Variants in HKDC1 observed in about 807,000 individuals in gnomAD.
HKDC1 encodes the protein hexokinase domain containing 1, also known as hexokinase HKDC1.
HKDC1 carries 66 observed loss-of-function variants against 96.6 expected under a neutral mutation model. That is an observed-to-expected ratio of 0.68 (90% CI 0.56 to 0.84). The LOEUF (loss-of-function observed/expected upper bound fraction) is 0.84, where lower values mean the gene tolerates loss of function less well. Among genes scored for constraint, HKDC1 ranks in the 40% least tolerant of loss-of-function variants. The probability of loss-of-function intolerance (pLI) is 0.00; values close to 1 mark genes in which losing one functional copy is unlikely to be tolerated. For missense variants in HKDC1, 1,211 were observed against 1,208.1 expected (o/e 1.00, Z -0.04); for synonymous variants, 466 against 473.1 (o/e 0.98, Z 0.20).
At chr10:69,242,429 G>GAAAAAAAAA in intron 6 of HKDC1, among the ~76,000 whole-genome samples, 1 of 115,348 alleles carries the variant, frequency 8.7e-6, no homozygotes, top group Non-Finnish European at 1.7e-5. Context: ...AGATACTGAA[G>GAAAAAAAAA]AAAAAAAAAA....
intron 1 of HKDC1, among the ~76,000 whole-genome samples, chr10:69,225,494 C>T (rs896973458): frequency 7.9e-5 from 12 of 152,104 alleles, no homozygotes; most frequent in Non-Finnish European, 1.5e-4. Flanking sequence ...CTCAATTGTC[C>T]TTTTTTGCTA....
At chr10:69,230,718 A>T (rs1007812848) in intron 2 of HKDC1, among the ~76,000 whole-genome samples, 2 of 151,998 alleles carry the variant, frequency 1.3e-5, no homozygotes, top group African/African-American at 2.4e-5. Context: ...GGCTCAAGTG[A>T]TCCTCCTGCT....
chr10:69,263,514 T>TG (rs1451210951), intron 16 of HKDC1, among the ~76,000 whole-genome samples: 1 of 152,172 alleles, frequency 6.6e-6, no homozygotes, highest in Non-Finnish European at 1.5e-5. Context: ...GTTTGTCAAA[T>TG]GGATGGGACA....
intron 4 of HKDC1, among the ~76,000 whole-genome samples, chr10:69,234,798 C>A (rs529960621): frequency 1.7e-4 from 26 of 152,354 alleles, no homozygotes; most frequent in African/African-American, 6.0e-4. Flanking sequence ...CCGCCAAGGT[C>A]TCTGACAATG....
chr10:69,244,830 A>AATATAT (rs1012421813), intron 7 of HKDC1, among the ~76,000 whole-genome samples: 1 of 151,406 alleles, frequency 6.6e-6, no homozygotes, highest in Non-Finnish European at 1.5e-5. Context: ...TGTCTCAAAA[A>AATATAT]ATATATATAT....
At chr10:69,255,576 G>A (rs989080686) in intron 12 of HKDC1, among the ~76,000 whole-genome samples, 6 of 152,166 alleles carry the variant, frequency 3.9e-5, no homozygotes, top group African/African-American at 1.2e-4. Context: ...ACTAACTCCT[G>A]CCTCAGGCTA....
At chr10:69,249,488 A>ATTTTAT (rs963810329) in intron 10 of HKDC1, among the ~76,000 whole-genome samples, 3 of 152,158 alleles carry the variant, frequency 2.0e-5, no homozygotes, top group East Asian at 1.9e-4. Context: ...GACACTGTTT[A>ATTTTAT]TTTTATTTTT....
At chr10:69,236,762 A>G (rs936011761) in intron 4 of HKDC1, among the ~76,000 whole-genome samples, 2 of 146,216 alleles carry the variant, frequency 1.4e-5, no homozygotes, top group Middle Eastern at 3.2e-3. Flanking sequence ...CCTGGGCAAC[A>G]AGAGTGAAAC....
rs534744139 is a variant in HKDC1, at chr10:69,248,617, G to A, written c.1459G>A (p.Val487Met). The A allele has an allele frequency of 2.7e-5, 44 of 1,614,154 alleles. No individual in the cohort carries two copies. The highest frequency in any genetic ancestry group is 1.1e-4 in the African/African-American group (8 of 75,064). ...GCTGACCCGAGAGCAGCTCGTGGACGTGCAGGCCAAGATGCGGGCTGAGCT... is the reference window on the plus strand; with the variant it reads ...GCTGACCCGAGAGCAGCTCGTGGACATGCAGGCCAAGATGCGGGCTGAGCT... ...FQLTREQLVD[V>M]QAKMRAELEY... is the part of the protein sequence containing the mutation. Residue 487 changes from valine (V) to methionine (M), a missense_variant, in exon 10 of 18, where the codon GTG (valine) becomes ATG (methionine). Coordinates refer to ENST00000354624, the MANE Select transcript of HKDC1 (RefSeq NM_025130.4).
At chr10:69,230,430 A>G (rs554292040) in intron 2 of HKDC1, among the ~76,000 whole-genome samples, 2 of 152,182 alleles carry the variant, frequency 1.3e-5, no homozygotes, top group South Asian at 4.2e-4. Flanking sequence ...ATCTCCAGGA[A>G]TCTCCGCATT....
chr10:69,234,609 G>T (rs953401912), intron 4 of HKDC1, among the ~76,000 whole-genome samples: 6 of 152,254 alleles, frequency 3.9e-5, no homozygotes, highest in Admixed American at 1.3e-4. Flanking sequence ...GGGCTGAGGT[G>T]AAGCTTAGGC....
intron 16 of HKDC1, 191 bp from the exon 17 acceptor site, chr10:69,265,394 G>A: frequency 1.7e-6 from 1 of 600,918 alleles, no homozygotes; most frequent in Non-Finnish European, 2.9e-6. Flanking sequence ...TAAAGTTGAT[G>A]GAACTTCCAG....
intron 8 of HKDC1, among the ~76,000 whole-genome samples, chr10:69,247,133 C>T (rs533629384): frequency 1.2e-4 from 19 of 152,276 alleles, no homozygotes; most frequent in African/African-American, 4.3e-4. Flanking sequence ...TTTTTGTGGG[C>T]GTTGAAGGAG....
intron 2 of HKDC1, 108 bp from the exon 3 acceptor site, chr10:69,232,656 A>T: frequency 1.0e-6 from 1 of 1,001,900 alleles, no homozygotes; most frequent in Non-Finnish European, 1.5e-6. Flanking sequence ...AATGATACCT[A>T]GTGGCTGTGA....
intron 7 of HKDC1, among the ~76,000 whole-genome samples, chr10:69,245,867 G>A (rs1050270453): frequency 2.6e-5 from 4 of 152,184 alleles, no homozygotes; most frequent in East Asian, 1.9e-4. Context: ...CTGTGAAATT[G>A]AGAGTCCCTA....
rs145913112 is a variant in HKDC1, at chr10:69,248,703, C to T, written c.1545C>T (p.Tyr515=). 558 of 1,610,930 alleles carry T rather than the reference C, an allele frequency of 3.5e-4. No individual in the cohort carries two copies. Among genetic ancestry groups the T allele is most frequent in the Non-Finnish European group, 4.4e-4 (517 of 1,177,858 alleles). ...GLATVRMLPT[Y]VCGLPDGTEK... Reference sequence around the variant, plus strand: ...CCACGGTCAGGATGCTGCCCACCTACGTCTGCGGGCTGCCGGACGGCACAG... The same window carrying T: ...CCACGGTCAGGATGCTGCCCACCTATGTCTGCGGGCTGCCGGACGGCACAG... The change falls in exon 10 of 18, where the codon TAC becomes TAT. Residue 515 remains tyrosine, a synonymous_variant. Transcript: ENST00000354624.
chr10:69,237,277 TTGTGTGTGTG>T (rs71035080), intron 4 of HKDC1, among the ~76,000 whole-genome samples: 2,807 of 145,682 alleles, frequency 0.019, 25 homozygotes, highest in Non-Finnish European at 0.028. Context: ...AGAAATTTCT[TTGTGTGTGTG>T]TGTGTGTGTG....
At chr10:69,258,985 A>G in intron 15 of HKDC1, 26 bp downstream of exon 15, 1 of 1,508,552 alleles carries the variant, frequency 6.6e-7, no homozygotes, top group Non-Finnish European at 8.8e-7. Context: ...GTGTGCATTT[A>G]TGTGGGTTGT....
chr10:69,228,316 T>A (rs1395427992), intron 2 of HKDC1, among the ~76,000 whole-genome samples: 1 of 152,200 alleles, frequency 6.6e-6, no homozygotes, highest in Non-Finnish European at 1.5e-5. Flanking sequence ...ACGTTAGTCA[T>A]GCTTAGATAA....
Sources: allele counts gnomAD v4.1 joint callset (sites outside exome capture counted in the v4.1 genomes callset), GRCh38; gene constraint gnomAD v4.1.1; transcripts MANE v1.5; gene names NCBI Gene and HGNC (gene_info 2026-07-23, HGNC 2026-07-21).